KMT2B: variants seen among roughly 807,000 people sequenced by gnomAD.
The protein encoded by KMT2B is lysine methyltransferase 2B.
Under a neutral mutation model 255.3 loss-of-function variants are expected in KMT2B, and 22 were observed. The ratio of observed to expected loss-of-function variants is 0.09; its 90% CI spans 0.06 to 0.12. KMT2B has a LOEUF of 0.12. Ranked by LOEUF, KMT2B falls within the 10% of genes least tolerant of loss-of-function variation. The pLI is 1.00. For synonymous variants in KMT2B, 1,730 were observed against 1,498.1 expected, an observed-to-expected ratio of 1.15 and a Z score of -3.57; for missense variants, 3,149 against 3,737.0, an observed-to-expected ratio of 0.84 and a Z score of 4.10.
At position 35,733,030 on chromosome 19, in the gene KMT2B, C is replaced by T. The variant is rs779123379; in HGVS notation, c.6481C>T (p.Arg2161Cys). The T allele has an allele frequency of 6.3e-5, 100 of 1,590,936 alleles. No individual in the cohort carries two copies. Among genetic ancestry groups the T allele is most frequent in the Non-Finnish European group, 8.3e-5 (97 of 1,169,000 alleles). Residue 2161 changes from arginine (R) to cysteine (C), a missense_variant, in exon 28 of 37, where the codon CGC (arginine) becomes TGC (cysteine). This residue lies in a region of KMT2B where 897 missense variants were observed against 825.3 expected (regional missense o/e 1.09). Transcript: ENST00000420124. This position sits in a 1 kb window ranked among gnomAD's most constrained non-coding sequence, Gnocchi z 4.3. The part of the protein sequence containing the change: ...GLTASPADPT[R>C]TFAWLPGAPG... ...GACCGCCAGCCCAGCTGACCCCACC[C>T]GCACATTTGCCTGGCTCCCAGGGGC...
At position 35,737,780 on chromosome 19, in the gene KMT2B, G is replaced by A; in HGVS notation, c.7658+37G>A. 3.2e-6 allele frequency: 5 copies of A among 1,551,264 alleles called. No homozygotes were observed. Among genetic ancestry groups the A allele is most frequent in the Non-Finnish European group, 3.5e-6 (4 of 1,145,242 alleles). On this transcript the variant is annotated intron_variant, in intron 34 of 36. Coordinates refer to ENST00000420124, the MANE Select transcript of KMT2B (RefSeq NM_014727.3). The surrounding 1 kb of genome is among the most constrained non-coding windows in gnomAD (Gnocchi z 5.3). ...GAGCTGGGGGGCGGGTGGTGGTCTG[G>A]AAGGGTCTTAGAGAGTGAGCAGGGG...
intron 30 of KMT2B, chr19:35,735,920 A>G (rs1429311383): frequency 6.6e-6 from 1 of 152,200 alleles, no homozygotes; most frequent in Non-Finnish European, 1.5e-5. Flanking sequence ...AATCCCCTAA[A>G]TAGCTCATAA....
At position 35,729,428 on chromosome 19, in the gene KMT2B, C is replaced by T. The variant is rs1407095652; in HGVS notation, c.4917+132C>T. On this transcript the variant is annotated intron_variant, in intron 22 of 36. Coordinates refer to ENST00000420124, the MANE Select transcript of KMT2B (RefSeq NM_014727.3). ...GCCAGGCTGAGGTCTCTTGGTTGCC[C>T]TGGGACGTTGGTGCTGATGGCAGCT... is the stretch of plus-strand genomic sequence containing the variant. 5 of 1,277,424 alleles carry T rather than the reference C, an allele frequency of 3.9e-6. No individual in the cohort carries two copies. The East Asian group carries it at 7.6e-5, about 19-fold the overall frequency. The allele number at this position is 1,277,424 out of a possible 1,614,324, so 79.1% of individuals were successfully genotyped here.
At position 35,721,199 on chromosome 19, in the gene KMT2B, C is replaced by G; in HGVS notation, c.1852C>G (p.Leu618Val). The G allele has an allele frequency of 4.5e-6, 7 of 1,541,960 alleles. No individual in the cohort carries two copies. The highest frequency in any genetic ancestry group is 6.1e-6 in the Non-Finnish European group (7 of 1,144,228). ...TFRWTSLTRE[L>V]PPPPPAPPPP... ...TCGCTGGACCTCACTGACCCGGGAGCTGCCCCCTCCTCCCCCAGCCCCTCC... is the reference window on the plus strand; with the variant it reads ...TCGCTGGACCTCACTGACCCGGGAGGTGCCCCCTCCTCCCCCAGCCCCTCC... Residue 618 changes from leucine to valine, a missense_variant, in exon 3 of 37, where the codon CTG becomes GTG. Leu to Val is a conservative substitution (Grantham distance 32). Coordinates refer to ENST00000420124, the MANE Select transcript of KMT2B (RefSeq NM_014727.3).
chr19:35,726,999 A>G (rs2146454246), intron 14 of KMT2B, among the ~76,000 whole-genome samples, 157 bp from the exon 15 acceptor site: 1 of 151,520 alleles, frequency 6.6e-6, no homozygotes, highest in South Asian at 2.1e-4. Context: ...AAAAAAAAAA[A>G]AAAAAGCCTC....
rs868009037 is a variant in KMT2B, at chr19:35,727,377, G to A, written c.4118-61G>A. The stretch of plus-strand genomic sequence containing the variant: ...GCTAAGGGTCCTTGCTGGCCTAGGG[G>A]CTGCTGGGAGCCCTCACATCCTCTG... On this transcript the variant is annotated intron_variant, in intron 15 of 36. Coordinates refer to ENST00000420124, the MANE Select transcript of KMT2B (RefSeq NM_014727.3). The surrounding 1 kb of genome is among the most constrained non-coding windows in gnomAD (Gnocchi z 4.2). The A allele has an allele frequency of 2.9e-5, 47 of 1,595,996 alleles. No individual in the cohort carries two copies. In the Admixed American group the frequency reaches 3.5e-4, roughly 12 times the overall value.
At chr19:35,724,278 A>G (rs778114121) in intron 8 of KMT2B, among the ~76,000 whole-genome samples, 1 of 152,120 alleles carries the variant, frequency 6.6e-6, no homozygotes, top group South Asian at 2.1e-4. Flanking sequence ...AGGTGGGAGG[A>G]TCACTTGAGC....
At position 35,721,546 on chromosome 19, in the gene KMT2B, A is replaced by G. The variant is rs1216101887; in HGVS notation, c.2199A>G (p.Thr733=). The change falls in exon 3 of 37, where the codon ACA becomes ACG. Residue 733 remains threonine (T), a synonymous_variant. Coordinates refer to ENST00000420124, the MANE Select transcript of KMT2B (RefSeq NM_014727.3). The stretch of plus-strand genomic sequence containing the variant: ...CAGCTCTGAGCAACGGGCCACAGAC[A>G]CAGGCTCAGCTACTGCAGCCCCTGC... ...GAPALSNGPQ[T]QAQLLQPLQA... 3.7e-6 allele frequency: 6 copies of G among 1,611,722 alleles called. No homozygotes were observed. The East Asian group carries it at 8.9e-5, about 24-fold the overall frequency.
rs139827738 is a variant in KMT2B, at chr19:35,724,011, C to T, written c.3334+4C>T. 42 of 1,579,068 alleles carry T rather than the reference C, an allele frequency of 2.7e-5. No homozygotes were observed. Among genetic ancestry groups the T allele is most frequent in the East Asian group, 4.5e-5 (2 of 44,358 alleles). On this transcript the variant is annotated splice_donor_region_variant and intron_variant, in intron 8 of 36. Transcript: ENST00000420124. ...CGTCGGACCCCCCGAGAAAATGGTG[C>T]GAACTGCTTAATGCTTTCTCTGTTG...
At position 35,737,668 on chromosome 19, in the gene KMT2B, C is replaced by T. The variant is rs1599704870; in HGVS notation, c.7583C>T (p.Ala2528Val). 2 of 1,571,476 alleles carry T rather than the reference C, an allele frequency of 1.3e-6. No individual in the cohort carries two copies. Among genetic ancestry groups the T allele is most frequent in the African/African-American group, 1.3e-5 (1 of 74,182 alleles). ...KCTFDMFNFL[A>V]SQHRVLPEGA... is the part of the protein sequence containing the mutation. ...ACCTTTGACATGTTCAACTTCCTGG[C>T]CTCCCAGCACCGGGTGCTCCCTGAG... Residue 2528 changes from alanine (A) to valine (V), a missense_variant, in exon 34 of 37, where the codon GCC (alanine) becomes GTC (valine). Ala to Val is a moderately conservative substitution (Grantham distance 64, BLOSUM62 0). Around this residue, in one of 18 missense-constraint regions of KMT2B, gnomAD observed 103 missense variants for 200.7 expected, o/e 0.51. Transcript: ENST00000420124. The surrounding 1 kb of genome is among the most constrained non-coding windows in gnomAD (Gnocchi z 5.3).
At position 35,718,475 on chromosome 19, in the gene KMT2B, G is replaced by C; in HGVS notation, c.363+94G>C. On this transcript the variant is annotated intron_variant, in intron 1 of 36. Coordinates refer to ENST00000420124, the MANE Select transcript of KMT2B (RefSeq NM_014727.3). The surrounding 1 kb of genome is among the most constrained non-coding windows in gnomAD (Gnocchi z 5.0). ...TCCCGGGGGCGGCGTGGGCAGGCCGGGTCCTCAGGGTTCCTTCGGAGAGAC... is the reference window on the plus strand; with the variant it reads ...TCCCGGGGGCGGCGTGGGCAGGCCGCGTCCTCAGGGTTCCTTCGGAGAGAC... The C allele has an allele frequency of 1.7e-6, 2 of 1,179,988 alleles. No homozygotes were observed. The highest frequency in any genetic ancestry group is 2.1e-6 in the Non-Finnish European group (2 of 945,692). 73.1% of individuals were successfully genotyped at this position (1,179,988 alleles called of 1,614,324 possible).
At position 35,733,844 on chromosome 19, in the gene KMT2B, G is replaced by C; in HGVS notation, c.7131G>C (p.Leu2377=). The C allele has an allele frequency of 6.2e-7, 1 of 1,613,708 alleles. No individual in the cohort carries two copies. The highest frequency in any genetic ancestry group is 8.5e-7 in the Non-Finnish European group (1 of 1,179,682). Residue 2377 remains leucine, a synonymous_variant, in exon 30 of 37, where the codon CTG becomes CTC. Coordinates refer to ENST00000420124, the MANE Select transcript of KMT2B (RefSeq NM_014727.3). The surrounding 1 kb of genome is among the most constrained non-coding windows in gnomAD (Gnocchi z 4.3). ...TCCCCGATGGTCCCCCAGACCTGCT[G>C]CTTGAGTCCCAGTGGCACCACTATT... ...PQVPDGPPDL[L]LESQWHHYSG... is the part of the protein sequence containing the mutation.
At chr19:35,736,162 A>T (rs1399933218) in intron 30 of KMT2B, 2 of 154,458 alleles carry the variant, frequency 1.3e-5, no homozygotes, top group Non-Finnish European at 2.9e-5. Flanking sequence ...GAGGCAGGAG[A>T]ATTGCCTGAA....
rs1969734999 is a variant in KMT2B at position 35,732,310 on chromosome 19, C to A, written c.5761C>A (p.Pro1921Thr). The change falls in exon 28 of 37, where the codon CCC (proline) becomes ACC (threonine). Residue 1921 changes from proline (P) to threonine (T), a missense_variant. By Grantham distance (38) the Pro-to-Thr change is conservative (BLOSUM62 -1). Coordinates refer to ENST00000420124, the MANE Select transcript of KMT2B (RefSeq NM_014727.3). ...TTCCCGTCGTCCCAGCCCTTTGGCT[C>A]CCAGGCCGCCTCCATCACGGTGGGC... ...RRSRRPSPLA[P>T]RPPPSRWASP... The A allele has an allele frequency of 6.2e-7, 1 of 1,611,184 alleles. No individual in the cohort carries two copies. Among genetic ancestry groups the A allele is most frequent in the Non-Finnish European group, 8.5e-7 (1 of 1,178,762 alleles).
Position 35,719,838 on chromosome 19 carries a change from C to T in KMT2B, c.491C>T (p.Pro164Leu), listed in dbSNP as rs1319210024. ...RKHKTTPLPP[P>L]RLADVAPTPP... ...CATAAGACGACCCCCCTTCCTCCTC[C>T]TCGCCTAGCAGATGTGGCTCCTACC... is the stretch of plus-strand genomic sequence containing the variant. Residue 164 changes from proline to leucine, a missense_variant, in exon 3 of 37, where the codon CCT (proline) becomes CTT (leucine). Coordinates refer to ENST00000420124, the MANE Select transcript of KMT2B (RefSeq NM_014727.3). 1 of 1,612,148 alleles carries T rather than the reference C, an allele frequency of 6.2e-7. No homozygotes were observed. The highest frequency in any genetic ancestry group is 8.5e-7 in the Non-Finnish European group (1 of 1,179,366).
Position 35,732,794 on chromosome 19 carries a change from G to T in KMT2B, c.6245G>T (p.Gly2082Val). ...GCGGTGCAGCAGCCTCGGGGCCAGG[G>T]CACGCCTCCTTCGGGGCCAGGAGTA... is the stretch of plus-strand genomic sequence containing the variant. ...AEAVQQPRGQ[G>V]TPPSGPGVVR... is the part of the protein sequence containing the mutation. Residue 2082 changes from glycine (G) to valine (V), a missense_variant, in exon 28 of 37, where the codon GGC becomes GTC. Coordinates refer to ENST00000420124, the MANE Select transcript of KMT2B (RefSeq NM_014727.3). The T allele has an allele frequency of 6.2e-7, 1 of 1,606,960 alleles. No individual in the cohort carries two copies. The highest frequency in any genetic ancestry group is 1.7e-5 in the Admixed American group (1 of 59,090).
chr19:35,723,618 G>T lies in KMT2B; in HGVS notation c.3059-114G>T. 7.7e-7 allele frequency: 1 copy of T among 1,299,148 alleles called. No homozygotes were observed. The highest frequency in any genetic ancestry group is 1.1e-6 in the Non-Finnish European group (1 of 949,680). The allele number at this position is 1,299,148 out of a possible 1,614,324, so 80.5% of individuals were successfully genotyped here. On this transcript the variant is annotated intron_variant, in intron 7 of 36. Coordinates refer to ENST00000420124, the MANE Select transcript of KMT2B (RefSeq NM_014727.3). This position sits in a 1 kb window ranked among gnomAD's most constrained non-coding sequence, Gnocchi z 7.5. Reference sequence around the variant, plus strand: ...GCTCACCCTCTCCATCTTCTCCGTTGTGTGCTTTCATAGCTCCTGCGTTCA... The same window carrying T: ...GCTCACCCTCTCCATCTTCTCCGTTTTGTGCTTTCATAGCTCCTGCGTTCA...
At chr19:35,728,934 G>T (rs1969576065) in intron 20 of KMT2B, 45 bp downstream of exon 20, 10 of 1,609,376 alleles carry the variant, frequency 6.2e-6, no homozygotes, top group Non-Finnish European at 8.5e-6. Context: ...TGTGTTGGTG[G>T]CCTGGCTCCG....
At position 35,720,772 on chromosome 19, in the gene KMT2B, T is replaced by G; in HGVS notation, c.1425T>G (p.Thr475=). Residue 475 remains threonine (T), a synonymous_variant, in exon 3 of 37, where the codon ACT becomes ACG. Transcript: ENST00000420124. The stretch of plus-strand genomic sequence containing the variant: ...GGAAGAGGGGCCGGCCTCCCCTGAC[T>G]CCCAGCCAGCGGGCGGAGCGGGAAG... ...CSRKRGRPPL[T]PSQRAEREAA... 2.7e-6 allele frequency: 4 copies of G among 1,480,312 alleles called. No homozygotes were observed. Among genetic ancestry groups the G allele is most frequent in the Non-Finnish European group, 3.6e-6 (4 of 1,112,216 alleles). 91.7% of individuals were successfully genotyped at this position (1,480,312 alleles called of 1,614,324 possible).
Sources: gnomAD v4.1 joint callset for allele counts (sites outside exome capture counted in the v4.1 genomes callset) on GRCh38, gnomAD v4.1.1 for gene constraint, gnomAD v4.1.1 regional missense constraint, Gnocchi (gnomAD v3.1) non-coding constraint, MANE v1.5 for transcripts, NCBI Gene and HGNC (gene_info 2026-07-23, HGNC 2026-07-21) for gene names.